ZKSCAN3: variants seen among roughly 807,000 people sequenced by gnomAD.
ZKSCAN3 encodes zinc finger protein with KRAB and SCAN domains 3.
A neutral mutation model predicts 30.7 loss-of-function variants in ZKSCAN3; 21 were observed. The observed-to-expected ratio is 0.68, with a 90% CI of 0.49 to 0.99. The LOEUF (loss-of-function observed/expected upper bound fraction) is 0.99. Among genes scored for constraint, ZKSCAN3 ranks in the 50% least tolerant of loss-of-function variants. ZKSCAN3 has a pLI of 0.00. For synonymous variants in ZKSCAN3, 201 were observed against 246.7 expected, an observed-to-expected ratio of 0.81 and a Z score of 1.73; for missense variants, 507 against 647.1, an observed-to-expected ratio of 0.78 and a Z score of 2.35.
Position 28,351,727 on chromosome 6 carries a change from C to T in ZKSCAN3, c.-63+1660C>T, listed in dbSNP as rs140206534. ...TCCCTCCTTTCTTTGTCTTCCTTTC[C>T]TTCCCTCCCTCTCCCCCTCTTTATC... is the stretch of plus-strand genomic sequence containing the variant. On this transcript the variant is annotated intron_variant, in intron 1 of 5. Transcript: ENST00000252211. This position sits in a 1 kb window ranked among gnomAD's most constrained non-coding sequence, Gnocchi z 4.6. 1.3e-5 allele frequency among the ~76,000 whole-genome samples: 2 copies of T among 150,778 alleles called. No homozygotes were observed. The highest frequency in any genetic ancestry group is 4.9e-5 in the African/African-American group (2 of 41,000).
In ZKSCAN3 at chr6:28,359,888, A is replaced by G. The variant is rs1264203811; in HGVS notation, c.302A>G (p.Asn101Ser). 1 of 1,613,980 alleles carries G rather than the reference A, an allele frequency of 6.2e-7. No homozygotes were observed. Among genetic ancestry groups the G allele is most frequent in the East Asian group, 2.2e-5 (1 of 44,874 alleles). Residue 101 changes from asparagine (N) to serine (S), a missense_variant, in exon 2 of 6, where the codon AAT (asparagine) becomes AGT (serine). Transcript: ENST00000252211. ...LEQFLTILPG[N>S]LQSWVREQHP... ...CAGTTCCTGACCATCCTGCCGGGGA[A>G]TCTGCAGAGCTGGGTGCGGGAGCAG...
Position 28,359,793 on chromosome 6 carries a change from G to A in ZKSCAN3, c.207G>A (p.Glu69=), listed in dbSNP as rs1226046809. 3 of 1,614,226 alleles carry A rather than the reference G, an allele frequency of 1.9e-6. No individual in the cohort carries two copies. The highest frequency in any genetic ancestry group is 1.1e-5 in the South Asian group (1 of 91,086). ...GCGAGGCGCTGAGTCGGCTCCGAGA[G>A]CTCTGCCGACAGTGGCTGCAGCCTG... ...GPREALSRLR[E]LCRQWLQPEM... is the part of the protein sequence containing the mutation. Residue 69 remains glutamate, a synonymous_variant, in exon 2 of 6, where the codon GAG becomes GAA. Coordinates refer to ENST00000252211, the MANE Select transcript of ZKSCAN3 (RefSeq NM_024493.4).
chr6:28,359,676 A>G lies in ZKSCAN3; in HGVS notation c.90A>G (p.Glu30=), dbSNP rs1041331601. The G allele has an allele frequency of 5.0e-6, 8 of 1,614,122 alleles. No individual in the cohort carries two copies. In the African/African-American group the frequency reaches 1.1e-4, roughly 22 times the overall value. ...TTCTGGTCATAAAGGTGGAGGAAGA[A>G]GAAGCCGGTTTTCCCAGTAGCCCAG... ...MELLVIKVEE[E]EAGFPSSPDL... is the part of the protein sequence containing the mutation. The change falls in exon 2 of 6, where the codon GAA becomes GAG. Residue 30 remains glutamate (E), a synonymous_variant. Coordinates refer to ENST00000252211, the MANE Select transcript of ZKSCAN3 (RefSeq NM_024493.4).
Position 28,366,057 on chromosome 6 carries a change from G to GAA in ZKSCAN3, c.1392_1393dup (p.Ser465LysfsTer68). 6.2e-7 allele frequency: 1 copy of GAA among 1,609,234 alleles called. No individual in the cohort carries two copies. The highest frequency in any genetic ancestry group is 8.5e-7 in the Non-Finnish European group (1 of 1,178,178). ...AGGAACCTGAGCAGGGAGAGGCCTG[G>GAA]AAAAGTAGGATGGAAAGCCAGTTGG... On this transcript the variant is annotated frameshift_variant, in exon 6 of 6. Transcript: ENST00000252211. LOFTEE classifies it low-confidence loss of function (END_TRUNC).
rs1765957571 is a variant in ZKSCAN3 at position 28,366,158 on chromosome 6, A to C, written c.1490A>C (p.Glu497Ala). 16 of 1,611,266 alleles carry C rather than the reference A, an allele frequency of 9.9e-6. No homozygotes were observed. Among genetic ancestry groups the C allele is most frequent in the Non-Finnish European group, 1.4e-5 (16 of 1,179,144 alleles). ...RSFTQNTGLI[E>A]HQKIHTGEKP... is the part of the protein sequence containing the mutation. ...TTCACTCAGAATACAGGCCTCATTG[A>C]ACATCAAAAAATCCACACTGGTGAG... The change falls in exon 6 of 6, where the codon GAA becomes GCA. Residue 497 changes from glutamate (E) to alanine (A), a missense_variant. Transcript: ENST00000252211.
Position 28,366,395 on chromosome 6 carries a change from A to C in ZKSCAN3, c.*110A>C. The C allele has an allele frequency of 1.7e-6, 2 of 1,201,328 alleles. No homozygotes were observed. The highest frequency in any genetic ancestry group is 2.2e-6 in the Non-Finnish European group (2 of 892,590). 74.4% of individuals were successfully genotyped at this position (1,201,328 alleles called of 1,614,324 possible). ...GGCTGGGCTTTATTTACCACTACAC[A>C]TTATCAGGTGTTAGAAAATGTAGAC... On this transcript the variant is annotated 3_prime_UTR_variant, in exon 6 of 6. Coordinates refer to ENST00000252211, the MANE Select transcript of ZKSCAN3 (RefSeq NM_024493.4).
At chr6:28,352,383 G>T (rs1447938860) in intron 1 of ZKSCAN3, among the ~76,000 whole-genome samples, 1 of 152,044 alleles carries the variant, frequency 6.6e-6, no homozygotes, top group Non-Finnish European at 1.5e-5. Context: ...CTCCCAAGTA[G>T]CTGGGATTAC....
At chr6:28,355,888 G>T (rs931679423) in intron 1 of ZKSCAN3, among the ~76,000 whole-genome samples, 2 of 152,146 alleles carry the variant, frequency 1.3e-5, no homozygotes, top group African/African-American at 4.8e-5. Context: ...GTTGTCAAGT[G>T]GCCTATCAAA....
chr6:28,358,675 G>A (rs547436425), intron 1 of ZKSCAN3, among the ~76,000 whole-genome samples: 90 of 152,184 alleles, frequency 5.9e-4, no homozygotes, highest in Middle Eastern at 6.8e-3. Context: ...TTTGAGGTCA[G>A]GAGTTCGAGA....
In ZKSCAN3 at chr6:28,365,424, AG is replaced by A; in HGVS notation, c.758del. 1 of 1,600,052 alleles carries A rather than the reference AG, an allele frequency of 6.2e-7. No homozygotes were observed. ...ACAGTTGCCAGTTATTTGTTGTTTC[AG>A]GTGATGAAAAACAGACTAAGAGCAG... On this transcript the variant is annotated splice_acceptor_variant, in intron 5 of 5. Coordinates refer to ENST00000252211, the MANE Select transcript of ZKSCAN3 (RefSeq NM_024493.4). LOFTEE classifies it high-confidence loss of function.
chr6:28,357,213 A>G (rs1765489937), intron 1 of ZKSCAN3, among the ~76,000 whole-genome samples: 1 of 152,224 alleles, frequency 6.6e-6, no homozygotes, highest in Non-Finnish European at 1.5e-5. Flanking sequence ...ACCTCGGCCT[A>G]TGCCTGCTTC....
chr6:28,365,292 C>T, intron 5 of ZKSCAN3, 134 bp from the exon 6 acceptor site: 1 of 1,296,998 alleles, frequency 7.7e-7, no homozygotes, highest in Non-Finnish European at 1.1e-6. Context: ...CCCTTTTATT[C>T]CCATCCTTAT....
At chr6:28,361,267 G>A in intron 2 of ZKSCAN3, 57 bp from the exon 3 acceptor site, 1 of 1,580,328 alleles carries the variant, frequency 6.3e-7, no homozygotes, top group Non-Finnish European at 8.6e-7. Context: ...CAGCCACCTA[G>A]GTAGTTCTAT....
In ZKSCAN3 at chr6:28,365,497, A is replaced by G. The variant is rs550910872; in HGVS notation, c.829A>G (p.Ile277Val). Residue 277 changes from isoleucine to valine, a missense_variant, in exon 6 of 6, where the codon ATA becomes GTA. Transcript: ENST00000252211. The stretch of plus-strand genomic sequence containing the variant: ...GCTTCCAGAAAAGGAGCATGGGAAG[A>G]TATCGTGCCACCTGAGAGAAGACAT... ...EELPEKEHGKISCHLREDIAQ... is the reference protein window; with the variant it reads ...EELPEKEHGKVSCHLREDIAQ... 125 of 1,614,256 alleles carry G rather than the reference A, an allele frequency of 7.7e-5. 2 individuals are homozygous for G. In the Admixed American group the frequency reaches 1.4e-3, roughly 18 times the overall value.
In ZKSCAN3 at chr6:28,351,919, T is replaced by A. The variant is rs946901697; in HGVS notation, c.-63+1852T>A. Among the ~76,000 whole-genome samples the A allele has an allele frequency of 6.6e-6, 1 of 152,150 alleles. No homozygotes were observed. Among genetic ancestry groups the A allele is most frequent in the African/African-American group, 2.4e-5 (1 of 41,454 alleles). On this transcript the variant is annotated intron_variant, in intron 1 of 5. Coordinates refer to ENST00000252211, the MANE Select transcript of ZKSCAN3 (RefSeq NM_024493.4). The surrounding 1 kb of genome is among the most constrained non-coding windows in gnomAD (Gnocchi z 4.6). ...AGTATCATGATCACACGCAAAAAAA[T>A]TGACAATAATTCCTTGATATCATTA...
chr6:28,359,518 C>A lies in ZKSCAN3; in HGVS notation c.-62-7C>A. 6.4e-7 allele frequency: 1 copy of A among 1,553,298 alleles called. No individual in the cohort carries two copies. Among genetic ancestry groups the A allele is most frequent in the Non-Finnish European group, 8.7e-7 (1 of 1,149,110 alleles). On this transcript the variant is annotated splice_polypyrimidine_tract_variant and splice_region_variant and intron_variant, in intron 1 of 5. Transcript: ENST00000252211. ...TTACTGGTTAATAATGATTTCCCAC[C>A]TTTCAGGGATCTTCTGCAGAAATAG...
chr6:28,360,154 A>AT (rs34299481), intron 2 of ZKSCAN3, 166 bp downstream of exon 2: 1,492 of 1,201,012 alleles, frequency 1.2e-3, no homozygotes, highest in Non-Finnish European at 1.4e-3. Context: ...TCTCAGAATA[A>AT]TTTTTTTTTT....
At chr6:28,360,262 T>G (rs1765692676) in intron 2 of ZKSCAN3, 2 of 554,884 alleles carry the variant, frequency 3.6e-6, no homozygotes, top group South Asian at 4.2e-5. Context: ...CTTTTTTTTA[T>G]TAGTACACTA....
At chr6:28,362,915 G>A (rs1399565065) in intron 3 of ZKSCAN3, among the ~76,000 whole-genome samples, 6 of 152,176 alleles carry the variant, frequency 3.9e-5, no homozygotes, top group Non-Finnish European at 7.3e-5. Context: ...AGGATCTTCA[G>A]ATGGAAAGCT....
Sources: gnomAD v4.1 joint callset for allele counts (sites outside exome capture counted in the v4.1 genomes callset) on GRCh38, gnomAD v4.1.1 for gene constraint, Gnocchi (gnomAD v3.1) non-coding constraint, MANE v1.5 for transcripts, NCBI Gene and HGNC (gene_info 2026-07-23, HGNC 2026-07-21) for gene names.